TOLLIP: variants seen among roughly 807,000 people sequenced by gnomAD.
TOLLIP encodes toll interacting protein, also known as toll-interacting protein.
Under a neutral mutation model 33.5 loss-of-function variants are expected in TOLLIP, and 16 were observed. That is an observed-to-expected ratio of 0.48 (90% confidence interval 0.32 to 0.72). The LOEUF (loss-of-function observed/expected upper bound fraction) is 0.72, where lower values mean the gene tolerates loss of function less well. Among genes scored for constraint, TOLLIP ranks in the 30% least tolerant of loss-of-function variants. TOLLIP has a pLI of 0.03. For missense variants in TOLLIP, 325 were observed against 396.6 expected (o/e 0.82, Z 1.53); for synonymous variants, 176 against 163.7 (o/e 1.07, Z -0.57).
intron 3 of TOLLIP, among the ~76,000 whole-genome samples, chr11:1,289,747 C>T (rs1224287885): frequency 6.6e-6 from 1 of 151,256 alleles, no homozygotes; most frequent in Non-Finnish European, 1.5e-5. Context: ...GTGCGCCCAG[C>T]GGGGCGGACA....
At chr11:1,302,548 C>G in intron 1 of TOLLIP, 1 of 983,472 alleles carries the variant, frequency 1.0e-6, no homozygotes, top group Non-Finnish European at 1.2e-6. Flanking sequence ...ACCCACCACC[C>G]TTCACAGCAC....
At chr11:1,293,130 G>A (rs897497768) in intron 2 of TOLLIP, among the ~76,000 whole-genome samples, 1 of 152,236 alleles carries the variant, frequency 6.6e-6, no homozygotes, top group Non-Finnish European at 1.5e-5. Context: ...GCAAGAGGTG[G>A]ACATGAACCT....
In TOLLIP at chr11:1,309,448, C is replaced by G; in HGVS notation, c.33+18G>C. The G allele has an allele frequency of 7.7e-7, 1 of 1,306,112 alleles. No individual in the cohort carries two copies. The allele number at this position is 1,306,112 out of a possible 1,614,324, so 80.9% of individuals were successfully genotyped here. A position where few individuals can be genotyped will look rare whatever the true frequency, so the allele number is the denominator to read the frequency against. On this transcript the variant is annotated intron_variant, in intron 1 of 5. Transcript: ENST00000317204. ...CGCAGGTCACCGCCCCCGCCCGACC[C>G]TCGCCCGGCTGCCTCACCGGCCCGC...
chr11:1,309,528 A>T lies in TOLLIP; in HGVS notation c.-30T>A. On this transcript the variant is annotated 5_prime_UTR_variant, in exon 1 of 6. Coordinates refer to ENST00000317204, the MANE Select transcript of TOLLIP (RefSeq NM_019009.4). ...CTGCGGCGGCCCCCGTGGCTCGCCGACCCGACAGTGACGCGCCGGGCGACC... is the reference window on the plus strand; with the variant it reads ...CTGCGGCGGCCCCCGTGGCTCGCCGTCCCGACAGTGACGCGCCGGGCGACC... 1 of 1,277,572 alleles carries T rather than the reference A, an allele frequency of 7.8e-7. No homozygotes were observed. The highest frequency in any genetic ancestry group is 2.1e-5 in the South Asian group (1 of 46,844). The allele number at this position is 1,277,572 out of a possible 1,614,324, so 79.1% of individuals were successfully genotyped here. A position where few individuals can be genotyped will look rare whatever the true frequency, so the allele number is the denominator to read the frequency against.
At chr11:1,297,519 G>A (rs1177379906) in intron 1 of TOLLIP, among the ~76,000 whole-genome samples, 3 of 152,274 alleles carry the variant, frequency 2.0e-5, no homozygotes, top group African/African-American at 4.8e-5. Context: ...TGAGCAGCCA[G>A]CATGGCGTGT....
intron 2 of TOLLIP, 48 bp downstream of exon 2, chr11:1,295,597 A>G (rs768971463): frequency 1.4e-6 from 2 of 1,452,512 alleles, no homozygotes; most frequent in Non-Finnish European, 1.8e-6. Flanking sequence ...TCCCACCCCC[A>G]CCGAGCGCAC....
intron 1 of TOLLIP, among the ~76,000 whole-genome samples, chr11:1,297,312 G>A (rs1412924703): frequency 6.6e-6 from 1 of 152,198 alleles, no homozygotes; most frequent in African/African-American, 2.4e-5. Context: ...CTGGGCGCCT[G>A]GCACTTCAAA....
chr11:1,297,166 G>A (rs1042493418), intron 1 of TOLLIP, among the ~76,000 whole-genome samples: 2 of 152,174 alleles, frequency 1.3e-5, no homozygotes, highest in African/African-American at 2.4e-5. Flanking sequence ...TAGGCAAAGT[G>A]CACGTGCTGA....
At chr11:1,306,537 T>A (rs1417452037) in intron 1 of TOLLIP, among the ~76,000 whole-genome samples, 3 of 152,038 alleles carry the variant, frequency 2.0e-5, no homozygotes, top group Non-Finnish European at 4.4e-5. Context: ...ACCACAGGTG[T>A]AACAGAAAGA....
rs565268053 is a variant in TOLLIP at position 1,276,315 on chromosome 11, C to T, written c.*724G>A. 6 of 220,156 alleles carry T rather than the reference C, an allele frequency of 2.7e-5. No individual in the cohort carries two copies. Among genetic ancestry groups the T allele is most frequent in the Admixed American group, 1.0e-4 (2 of 19,106 alleles). The allele number at this position is 220,156 out of a possible 1,614,324, so 13.6% of individuals were successfully genotyped here. ...AGGAGAGACGGACGGCAGCCTCCGG[C>T]GGGCGAAGGACCCGGCTTCAGATGC... On this transcript the variant is annotated 3_prime_UTR_variant, in exon 6 of 6. Transcript: ENST00000317204.
chr11:1,294,230 C>A lies in TOLLIP; in HGVS notation c.183+1415G>T, dbSNP rs1452347722. ...GCTCACAGTGTGTCTCCTTTCCCTG[C>A]ATTTCTACGAAAGCCCGCGTGGCTC... On this transcript the variant is annotated intron_variant, in intron 2 of 5. Transcript: ENST00000317204. Among the ~76,000 whole-genome samples, 6 of 138,518 alleles carry A rather than the reference C, an allele frequency of 4.3e-5. No homozygotes were observed. The Admixed American group carries it at 4.3e-4, about 10-fold the overall frequency. 90.9% of individuals were successfully genotyped at this position (138,518 alleles called of 152,430 possible). A position where few individuals can be genotyped will look rare whatever the true frequency, so the allele number is the denominator to read the frequency against.
chr11:1,276,399 C>T lies in TOLLIP; in HGVS notation c.*640G>A. 3.7e-6 allele frequency: 1 copy of T among 268,270 alleles called. No homozygotes were observed. The highest frequency in any genetic ancestry group is 7.4e-6 in the Non-Finnish European group (1 of 134,742). The allele number at this position is 268,270 out of a possible 1,614,324, so 16.6% of individuals were successfully genotyped here. A position where few individuals can be genotyped will look rare whatever the true frequency, so the allele number is the denominator to read the frequency against. ...CCGTGCCAGGCCCCCTTCCTCACTC[C>T]AGGTGTGGGTTCATTCTGCCTTCAG... is the stretch of plus-strand genomic sequence containing the variant. On this transcript the variant is annotated 3_prime_UTR_variant, in exon 6 of 6. Coordinates refer to ENST00000317204, the MANE Select transcript of TOLLIP (RefSeq NM_019009.4).
chr11:1,294,249 G>A lies in TOLLIP; in HGVS notation c.183+1396C>T, dbSNP rs796345073. 4.3e-4 allele frequency among the ~76,000 whole-genome samples: 53 copies of A among 123,032 alleles called. No individual in the cohort carries two copies. In the South Asian group the frequency reaches 7.1e-3, roughly 16 times the overall value. The allele number at this position is 123,032 out of a possible 152,430, so 80.7% of individuals were successfully genotyped here. On this transcript the variant is annotated intron_variant, in intron 2 of 5. Transcript: ENST00000317204. ...TCCCTGCATTTCTACGAAAGCCCGC[G>A]TGGCTCACAGTGTGTCTCCTTTCCC...
chr11:1,288,927 G>C (rs573618573), intron 3 of TOLLIP, 151 bp from the exon 4 acceptor site: 1 of 800,750 alleles, frequency 1.2e-6, no homozygotes, highest in Non-Finnish European at 1.9e-6. Context: ...GAGACCCCTC[G>C]GGCAGCGCAG....
chr11:1,302,794 C>T (rs1864321332), intron 1 of TOLLIP: 19 of 985,562 alleles, frequency 1.9e-5, no homozygotes, highest in South Asian at 4.7e-5. Context: ...CCAGTGTGGA[C>T]GGGCAGTGGT....
At chr11:1,285,636 G>A (rs1863667008) in intron 5 of TOLLIP, among the ~76,000 whole-genome samples, 2 of 151,992 alleles carry the variant, frequency 1.3e-5, no homozygotes, top group South Asian at 2.1e-4. Context: ...GTTCGGACAC[G>A]ACGGCACAGT....
rs1284604656 is a variant in TOLLIP, at chr11:1,278,914, G to C, written c.611-1661C>G. On this transcript the variant is annotated intron_variant, in intron 5 of 5. Coordinates refer to ENST00000317204, the MANE Select transcript of TOLLIP (RefSeq NM_019009.4). The surrounding 1 kb of genome is among the most constrained non-coding windows in gnomAD (Gnocchi z 4.7). The stretch of plus-strand genomic sequence containing the variant: ...CGGCTGGCAGGCGGGCAGGAACTTG[G>C]CCATCACCTGTCCCTGCCCATACAG... 6.6e-6 allele frequency among the ~76,000 whole-genome samples: 1 copy of C among 152,194 alleles called. No homozygotes were observed. Among genetic ancestry groups the C allele is most frequent in the Non-Finnish European group, 1.5e-5 (1 of 68,034 alleles).
intron 1 of TOLLIP, among the ~76,000 whole-genome samples, chr11:1,299,858 G>A (rs559830456): frequency 2.0e-5 from 3 of 152,216 alleles, no homozygotes; most frequent in Admixed American, 6.5e-5. Context: ...TCCACCCAGC[G>A]CATCGCCACG....
At chr11:1,282,897 T>C (rs1048540452) in intron 5 of TOLLIP, among the ~76,000 whole-genome samples, 1 of 151,794 alleles carries the variant, frequency 6.6e-6, no homozygotes, top group South Asian at 2.1e-4. Flanking sequence ...GTAACAAACC[T>C]GCACGTTGTG....
Sources: gnomAD v4.1 joint callset for allele counts (sites outside exome capture counted in the v4.1 genomes callset) on GRCh38, gnomAD v4.1.1 for gene constraint, Gnocchi (gnomAD v3.1) non-coding constraint, MANE v1.5 for transcripts, NCBI Gene and HGNC (gene_info 2026-07-23, HGNC 2026-07-21) for gene names.